The following TENM1 variants were observed in gnomAD, a reference collection of about 807,000 sequenced individuals.
TENM1 encodes the protein teneurin transmembrane protein 1, also known as teneurin-1.
TENM1 carries 35 observed loss-of-function variants against 174.8 expected under a neutral mutation model. The ratio of observed to expected loss-of-function variants is 0.20; its 90% CI spans 0.15 to 0.27. The LOEUF (loss-of-function observed/expected upper bound fraction) is 0.27, where lower values mean the gene tolerates loss of function less well. Among genes scored for constraint, TENM1 ranks in the 10% least tolerant of loss-of-function variants. TENM1 has a pLI of 1.00. For synonymous variants in TENM1, 781 were observed against 798.7 expected, an observed-to-expected ratio of 0.98 and a Z score of 0.37; for missense variants, 1,633 against 2,130.1, an observed-to-expected ratio of 0.77 and a Z score of 4.59.
intron 3 of TENM1, among the ~76,000 whole-genome samples, chrX:124,828,050 T>G (rs914136607): frequency 1.8e-5 from 2 of 111,840 alleles, no homozygotes; most frequent in Admixed American, 9.5e-5. Flanking sequence ...TTAAAACTTA[T>G]GATAAACAAT....
intron 4 of TENM1, among the ~76,000 whole-genome samples, chrX:124,715,769 C>T (rs1344675690): frequency 5.4e-5 from 6 of 110,384 alleles, no homozygotes; most frequent in African/African-American, 2.0e-4. Context: ...TTTCTCCTGC[C>T]TCAGACTCCC....
the TENM1 span, among the ~76,000 whole-genome samples, chrX:125,191,974 C>A: frequency 9.2e-6 from 1 of 109,150 alleles, no homozygotes; most frequent in African/African-American, 3.3e-5. Context: ...CAACTTCCAC[C>A]ATGTAAGGAC....
chrX:124,675,363 A>T (rs767735127), intron 5 of TENM1, among the ~76,000 whole-genome samples: 1 of 111,004 alleles, frequency 9.0e-6, no homozygotes, highest in Non-Finnish European at 1.9e-5. Context: ...GCTGAATGTC[A>T]GCTTTAGATG....
chrX:124,962,163 C>T (rs1464293425), intron 1 of TENM1, among the ~76,000 whole-genome samples: 2 of 111,247 alleles, frequency 1.8e-5, no homozygotes, highest in South Asian at 7.6e-4. Flanking sequence ...TTTGGAAATG[C>T]CGGGGAGGTT....
At chrX:124,581,288 A>C (rs1342746274) in intron 11 of TENM1, among the ~76,000 whole-genome samples, 1 of 110,411 alleles carries the variant, frequency 9.1e-6, no homozygotes. Context: ...GATGGTCTCC[A>C]TCTCCTCACC....
chrX:125,099,774 T>A, the TENM1 span, among the ~76,000 whole-genome samples: 7 of 111,833 alleles, frequency 6.3e-5, no homozygotes, highest in Middle Eastern at 4.6e-3. Context: ...AAATACAAAA[T>A]CTAGGAAAAC....
At chrX:124,412,823 C>A (rs1346301282) in intron 25 of TENM1, among the ~76,000 whole-genome samples, 1 of 112,497 alleles carries the variant, frequency 8.9e-6, no homozygotes, top group Non-Finnish European at 1.9e-5. Flanking sequence ...AACTCTAATG[C>A]CAGAATATTG....
intron 19 of TENM1, among the ~76,000 whole-genome samples, chrX:124,501,716 A>G (rs1242750918): frequency 9.0e-6 from 1 of 111,577 alleles, no homozygotes; most frequent in Non-Finnish European, 1.9e-5. Context: ...CGAGGGGGAA[A>G]GAGCATTGCT....
At position 124,737,072 on chromosome X, in the gene TENM1, T is replaced by C. The variant is rs367966113; in HGVS notation, c.661A>G (p.Met221Val). The C allele has an allele frequency of 2.6e-5, 32 of 1,209,466 alleles. No homozygotes were observed. The African/African-American group carries it at 4.4e-4, about 17-fold the overall frequency. ...GGGCTGGGCTGGCTGCGGGTAGTCA[T>C]TGATCTCCTCTGAAGAGAGTCCGCT... The change falls in exon 4 of 32, where the codon ATG (methionine) becomes GTG (valine). Residue 221 changes from methionine to valine, a missense_variant. This residue lies in a region of TENM1 where 305 missense variants were observed against 309.2 expected (regional missense o/e 0.99). Coordinates refer to ENST00000422452, the Ensembl canonical transcript of TENM1.
At chrX:124,611,105 G>C (rs749560984) in intron 11 of TENM1, among the ~76,000 whole-genome samples, 2 of 111,821 alleles carry the variant, frequency 1.8e-5, no homozygotes, top group South Asian at 7.6e-4. Flanking sequence ...GGAAACAACA[G>C]ATGCTTATTT....
At chrX:124,495,627 T>C (rs923770971) in intron 20 of TENM1, among the ~76,000 whole-genome samples, 1 of 110,430 alleles carries the variant, frequency 9.1e-6, no homozygotes. Flanking sequence ...GGTTTTCTTC[T>C]AGGGTTTTTA....
chrX:124,773,782 G>A (rs2054716720), intron 3 of TENM1, among the ~76,000 whole-genome samples: 1 of 111,570 alleles, frequency 9.0e-6, no homozygotes, highest in Admixed American at 9.5e-5. Context: ...TCACACAAAG[G>A]GATAACAAAG....
intron 11 of TENM1, among the ~76,000 whole-genome samples, chrX:124,581,885 A>G (rs2148216373): frequency 9.0e-6 from 1 of 111,378 alleles, no homozygotes; most frequent in Non-Finnish European, 1.9e-5. Context: ...TTTTTTAAAA[A>G]GCATTATTTT....
chrX:124,467,234 G>A (rs1275830989), intron 22 of TENM1, among the ~76,000 whole-genome samples: 3 of 111,906 alleles, frequency 2.7e-5, no homozygotes. Context: ...GAAAAATAGA[G>A]CAAATAACAC....
intron 5 of TENM1, among the ~76,000 whole-genome samples, chrX:124,701,876 A>G (rs1313661592): frequency 7.1e-5 from 8 of 112,270 alleles, no homozygotes; most frequent in African/African-American, 2.6e-4. Context: ...TTACAGAGCT[A>G]TAATGCACAG....
chrX:124,877,101 T>TA (rs1213458083), intron 3 of TENM1, among the ~76,000 whole-genome samples: 1 of 112,280 alleles, frequency 8.9e-6, no homozygotes, highest in Non-Finnish European at 1.9e-5. Context: ...GACATCCAGT[T>TA]AAAAAATTAT....
At chrX:124,454,842 A>G (rs146849835) in intron 22 of TENM1, among the ~76,000 whole-genome samples, 50 of 112,325 alleles carry the variant, frequency 4.5e-4, no homozygotes, top group African/African-American at 1.6e-3. Flanking sequence ...AAACTAGTCT[A>G]CAATTTAGTC....
At chrX:124,728,336 T>C (rs1354294345) in intron 4 of TENM1, among the ~76,000 whole-genome samples, 1 of 111,827 alleles carries the variant, frequency 8.9e-6, no homozygotes, top group Non-Finnish European at 1.9e-5. Context: ...TCATTAGTAC[T>C]AGAAAGAACA....
chrX:124,974,889 T>TATATATATATATATATATATATATA, the TENM1 span, among the ~76,000 whole-genome samples: 1 of 88,534 alleles, frequency 1.1e-5, no homozygotes, highest in African/African-American at 4.3e-5. Context: ...GGACTGACAC[T>TATATATATATATATATATATATATA]ATATATATAT....
Sources: allele counts gnomAD v4.1 joint callset (sites outside exome capture counted in the v4.1 genomes callset), GRCh38; gene constraint gnomAD v4.1.1; regional missense constraint gnomAD v4.1.1; transcripts MANE v1.5; gene names NCBI Gene and HGNC (gene_info 2026-07-23, HGNC 2026-07-21).